ADGRG4: variants seen among roughly 807,000 people sequenced by gnomAD.
The protein encoded by ADGRG4 is G protein-coupled receptor 112.
In ADGRG4, 122 loss-of-function variants were observed where a neutral mutation model predicts 126.2. That is an observed-to-expected ratio of 0.97 (90% CI 0.83 to 1.12). The LOEUF is 1.12. ADGRG4 is among the 50% of genes most tolerant of loss of function. The pLI, the probability that ADGRG4 is intolerant of heterozygous loss-of-function variation, is 0.00. For synonymous variants in ADGRG4, 943 were observed against 838.7 expected (o/e 1.12, Z -2.15); for missense variants, 2,481 against 2,251.8 (o/e 1.10, Z -2.06).
intron 5 of ADGRG4, among the ~76,000 whole-genome samples, chrX:136,335,013 A>G (rs753174914): frequency 1.8e-5 from 2 of 111,613 alleles, no homozygotes; most frequent in Non-Finnish European, 3.8e-5. Flanking sequence ...AGTTGATGTT[A>G]GCTGTAGGTT....
At chrX:136,369,956 G>C (rs1373144382) in intron 13 of ADGRG4, among the ~76,000 whole-genome samples, 1 of 110,579 alleles carries the variant, frequency 9.0e-6, no homozygotes, top group Non-Finnish European at 1.9e-5. Context: ...AAAGTTGTTT[G>C]CAGGAAAAAA....
Position 136,363,522 on chromosome X carries a change from G to T in ADGRG4, c.7323G>T (p.Lys2441Asn). The stretch of plus-strand genomic sequence containing the variant: ...GCAAATCTCAGTGGGAAAAGCCAAA[G>T]TTTAAACAATGCAAATTGCTTCAAG... ...NTGKSQWEKPKFKQCKLLQEL... is the reference protein window; with the variant it reads ...NTGKSQWEKPNFKQCKLLQEL... Residue 2441 changes from lysine (K) to asparagine (N), a missense_variant, in exon 13 of 26, where the codon AAG (lysine) becomes AAT (asparagine). Transcript: ENST00000394143. 3 of 1,206,241 alleles carry T rather than the reference G, an allele frequency of 2.5e-6. No homozygotes were observed. The highest frequency in any genetic ancestry group is 2.3e-4 in the Middle Eastern group (1 of 4,344).
intron 14 of ADGRG4, among the ~76,000 whole-genome samples, chrX:136,372,099 A>G (rs887370818): frequency 9.0e-6 from 1 of 111,347 alleles, no homozygotes; most frequent in Non-Finnish European, 1.9e-5. Context: ...TTTCAAGTAC[A>G]CAGTTACCCC....
Position 136,347,512 on chromosome X carries a change from C to A in ADGRG4, c.3806C>A (p.Pro1269His). ...DQMTISLGKT[P>H]RTMEVTEMSP... is the part of the protein sequence containing the mutation. ...ATGACCATATCCCTGGGAAAAACCC[C>A]TAGAACTATGGAGGTGACAGAAATG... Residue 1269 changes from proline to histidine, a missense_variant, in exon 6 of 26, where the codon CCT becomes CAT. Coordinates refer to ENST00000394143, the MANE Select transcript of ADGRG4 (RefSeq NM_153834.4). 1 of 1,210,006 alleles carries A rather than the reference C, an allele frequency of 8.3e-7. No homozygotes were observed. Among genetic ancestry groups the A allele is most frequent in the Non-Finnish European group, 1.1e-6 (1 of 894,229 alleles).
chrX:136,413,692 C>A (rs1335315614), intron 24 of ADGRG4, among the ~76,000 whole-genome samples: 1 of 111,098 alleles, frequency 9.0e-6, no homozygotes, highest in East Asian at 2.8e-4. Context: ...CTTCAGGTAC[C>A]CGGAATGAAC....
chrX:136,337,008 G>A (rs1357997382), intron 5 of ADGRG4, among the ~76,000 whole-genome samples: 2 of 110,927 alleles, frequency 1.8e-5, no homozygotes, highest in African/African-American at 6.6e-5. Flanking sequence ...AGACTGCAGA[G>A]CAGTGGAGTG....
chrX:136,390,120 A>G (rs1320350742), intron 16 of ADGRG4, among the ~76,000 whole-genome samples: 1 of 111,588 alleles, frequency 9.0e-6, no homozygotes, highest in Non-Finnish European at 1.9e-5. Flanking sequence ...GTGCAATCAC[A>G]GCTCACTGCA....
intron 6 of ADGRG4, among the ~76,000 whole-genome samples, chrX:136,350,756 C>T (rs2075057290): frequency 9.0e-6 from 1 of 111,563 alleles, no homozygotes; most frequent in South Asian, 3.7e-4. Flanking sequence ...GACTAGGAAC[C>T]TCATCCCTTC....
chrX:136,370,289 T>G (rs1458574655), intron 13 of ADGRG4, among the ~76,000 whole-genome samples: 2 of 112,169 alleles, frequency 1.8e-5, no homozygotes, highest in East Asian at 2.8e-4. Context: ...TCCTTTATAT[T>G]TTGGTTATTG....
chrX:136,388,690 C>T (rs1278311705), intron 16 of ADGRG4, among the ~76,000 whole-genome samples: 1 of 111,939 alleles, frequency 8.9e-6, no homozygotes, highest in African/African-American at 3.2e-5. Flanking sequence ...CACTCTGTCT[C>T]ATCTAGCTAT....
rs757906170 is a variant in ADGRG4, at chrX:136,343,439, G to T, written c.686-953G>T. On this transcript the variant is annotated intron_variant, in intron 5 of 25. Transcript: ENST00000394143. ...ATCTGGTCAAGAGATATAACTTTGA[G>T]ATTTGTCTGGGTATAGGTGTAAATT... Among the ~76,000 whole-genome samples the T allele has an allele frequency of 5.4e-5, 6 of 111,433 alleles. No individual in the cohort carries two copies. In the South Asian group the frequency reaches 2.3e-3, roughly 43 times the overall value.
chrX:136,370,204 T>C (rs1349119764), intron 13 of ADGRG4, among the ~76,000 whole-genome samples: 2 of 112,098 alleles, frequency 1.8e-5, no homozygotes, highest in Admixed American at 1.9e-4. Context: ...ATTTGTAGTA[T>C]AACCTGGGTT....
Position 136,400,838 on chromosome X carries a change from C to T in ADGRG4, c.8575+722C>T, listed in dbSNP as rs144060222. Among the ~76,000 whole-genome samples, 846 of 112,344 alleles carry T rather than the reference C, an allele frequency of 7.5e-3. 6 individuals are homozygous for T. Among genetic ancestry groups the T allele is most frequent in the African/African-American group, 0.025 (778 of 30,886 alleles). On this transcript the variant is annotated intron_variant, in intron 21 of 25. Coordinates refer to ENST00000394143, the MANE Select transcript of ADGRG4 (RefSeq NM_153834.4). ...ATCTTTCTGAATACAAATGTCATTT[C>T]ATTGGCTTGCTTTCCTGTATTTCTA...
At chrX:136,371,665 A>T (rs1261512961) in intron 14 of ADGRG4, 121 bp downstream of exon 14, 4 of 433,792 alleles carry the variant, frequency 9.2e-6, no homozygotes, top group East Asian at 4.0e-5. Context: ...AAATATCCTT[A>T]AAAAAATCTT....
intron 15 of ADGRG4, among the ~76,000 whole-genome samples, chrX:136,378,950 C>CT (rs953396071): frequency 2.2e-3 from 241 of 111,023 alleles, no homozygotes; most frequent in Non-Finnish European, 3.9e-3. Flanking sequence ...CTGAAATTTT[C>CT]TTTTTTTTGT....
rs780493455 is a variant in ADGRG4, at chrX:136,403,969, C to T, written c.8654+647C>T. Among the ~76,000 whole-genome samples the T allele has an allele frequency of 8.1e-5, 9 of 111,487 alleles. No homozygotes were observed. In the East Asian group the frequency reaches 1.1e-3, roughly 14 times the overall value. ...TTTTACAGGCATGTAGATAGTTGCC[C>T]TGTGGTCCTTTAGGCTGCACAATCT... is the stretch of plus-strand genomic sequence containing the variant. On this transcript the variant is annotated intron_variant, in intron 22 of 25. Transcript: ENST00000394143.
At chrX:136,326,001 G>A (rs916846322) in intron 5 of ADGRG4, among the ~76,000 whole-genome samples, 4 of 112,315 alleles carry the variant, frequency 3.6e-5, no homozygotes, top group African/African-American at 1.3e-4. Flanking sequence ...GTGAGCCAAT[G>A]CACCCGGCCT....
At chrX:136,310,810 T>G (rs1264982776) in intron 4 of ADGRG4, among the ~76,000 whole-genome samples, 6 of 111,619 alleles carry the variant, frequency 5.4e-5, no homozygotes, top group African/African-American at 1.6e-4. Context: ...GCTGAATAGT[T>G]GCAGAATGGA....
At chrX:136,362,439 C>T (rs747564926) in intron 12 of ADGRG4, among the ~76,000 whole-genome samples, 1 of 111,518 alleles carries the variant, frequency 9.0e-6, no homozygotes, top group South Asian at 3.8e-4. Context: ...TACCCGCCTC[C>T]GCCAACTATA....
Sources: allele counts gnomAD v4.1 joint callset (sites outside exome capture counted in the v4.1 genomes callset), GRCh38; gene constraint gnomAD v4.1.1; transcripts MANE v1.5; gene names NCBI Gene and HGNC (gene_info 2026-07-23, HGNC 2026-07-21).